Variants in BTBD1 observed in about 807,000 individuals in gnomAD.
The protein encoded by BTBD1 is BTB/POZ domain-containing protein 1.
In BTBD1, 34 loss-of-function variants were observed where a neutral mutation model predicts 48.0. The observed-to-expected ratio is 0.71, with a 90% CI of 0.54 to 0.94. The LOEUF (loss-of-function observed/expected upper bound fraction) is 0.94, where lower values mean the gene tolerates loss of function less well. BTBD1 is among the 40% of genes least tolerant of loss of function. The pLI is 0.00. For synonymous variants in BTBD1, 261 were observed against 242.1 expected, an observed-to-expected ratio of 1.08 and a Z score of -0.72; for missense variants, 543 against 625.6, an observed-to-expected ratio of 0.87 and a Z score of 1.41.
chr15:83,033,400 G>A (rs1432535245), intron 4 of BTBD1, among the ~76,000 whole-genome samples: 1 of 152,014 alleles, frequency 6.6e-6, no homozygotes, highest in Non-Finnish European at 1.5e-5. Context: ...AACTGAAAGG[G>A]CAAATATATA....
At position 83,026,333 on chromosome 15, in the gene BTBD1, G is replaced by T. The variant is rs12440338; in HGVS notation, c.1055+3803C>A. On this transcript the variant is annotated intron_variant, in intron 5 of 7. Coordinates refer to ENST00000261721, the MANE Select transcript of BTBD1 (RefSeq NM_025238.4). ...AAGGAGGCATACTCGATTTCACAAA[G>T]GTTTAGGGGGGCACTACTGGCAAGG... 3.7e-3 allele frequency among the ~76,000 whole-genome samples: 568 copies of T among 152,106 alleles called. 9 individuals are homozygous for T. The highest frequency in any genetic ancestry group is 0.034 in the Admixed American group (519 of 15,262).
chr15:83,065,784 G>A (rs1329580995), intron 1 of BTBD1, among the ~76,000 whole-genome samples: 2 of 151,350 alleles, frequency 1.3e-5, no homozygotes, highest in African/African-American at 4.9e-5. Flanking sequence ...GTGATTAAAA[G>A]CTAGTAATGC....
Position 83,044,760 on chromosome 15 carries a change from A to G in BTBD1, c.665-2835T>C. 2.8e-6 allele frequency: 4 copies of G among 1,440,784 alleles called. No individual in the cohort carries two copies. The South Asian group carries it at 3.4e-5, about 12-fold the overall frequency. The allele number at this position is 1,440,784 out of a possible 1,614,324, so 89.2% of individuals were successfully genotyped here. A position where few individuals can be genotyped will look rare whatever the true frequency, so the allele number is the denominator to read the frequency against. ...TGTCGCCTGTACTCGGATCTATGAA[A>G]AAGTAGAATAAAAATTCCATCATCA... On this transcript the variant is annotated intron_variant, in intron 3 of 7. Coordinates refer to ENST00000261721, the MANE Select transcript of BTBD1 (RefSeq NM_025238.4).
chr15:83,022,876 G>A (rs972163664), intron 5 of BTBD1, among the ~76,000 whole-genome samples: 7 of 151,716 alleles, frequency 4.6e-5, no homozygotes, highest in African/African-American at 9.7e-5. Flanking sequence ...CAGGAGAATC[G>A]CTTGAACCTG....
rs781760999 is a variant in BTBD1, at chr15:83,066,872, G to A, written c.280C>T (p.Arg94Cys). The part of the protein sequence containing the change: ...AGGPQRIPAH[R>C]FVLAAGSAVF... ...GCGCTGCCGGCCGCCAGCACGAAGCGGTGGGCGGGGATGCGCTGCGGGCCC... is the reference window on the plus strand; with the variant it reads ...GCGCTGCCGGCCGCCAGCACGAAGCAGTGGGCGGGGATGCGCTGCGGGCCC... The change falls in exon 1 of 8, where the codon CGC becomes TGC. Residue 94 changes from arginine (R) to cysteine (C), a missense_variant. Physicochemically the swap from Arg to Cys is radical, Grantham distance 180 (BLOSUM62 -3). Around this residue, in one of 3 missense-constraint regions of BTBD1, gnomAD observed 173 missense variants for 163.9 expected, o/e 1.06. Transcript: ENST00000261721. The A allele has an allele frequency of 8.8e-6, 13 of 1,482,132 alleles. No homozygotes were observed. Among genetic ancestry groups the A allele is most frequent in the Non-Finnish European group, 5.4e-6 (6 of 1,119,538 alleles). The allele number at this position is 1,482,132 out of a possible 1,614,324, so 91.8% of individuals were successfully genotyped here.
intron 5 of BTBD1, among the ~76,000 whole-genome samples, chr15:83,027,637 CTT>C (rs2032434554): frequency 6.6e-6 from 1 of 152,192 alleles, no homozygotes; most frequent in Admixed American, 6.5e-5. Flanking sequence ...CAACTAAAGT[CTT>C]TGCTGAAAAC....
chr15:83,050,983 G>A (rs2032970481), intron 2 of BTBD1, among the ~76,000 whole-genome samples: 1 of 150,428 alleles, frequency 6.6e-6, no homozygotes, highest in Non-Finnish European at 1.5e-5. Context: ...TAGAAGTCAA[G>A]CTTACAATAT....
At chr15:83,041,962 A>C (rs2032769856) in intron 3 of BTBD1, 37 bp from the exon 4 acceptor site, 2 of 1,583,392 alleles carry the variant, frequency 1.3e-6, no homozygotes, top group African/African-American at 2.7e-5. Context: ...AATTAGAAAT[A>C]TTTTAGCTCT....
At chr15:83,057,438 CA>C (rs762827213) in intron 1 of BTBD1, among the ~76,000 whole-genome samples, 4 of 151,864 alleles carry the variant, frequency 2.6e-5, no homozygotes, top group East Asian at 1.9e-4. Flanking sequence ...TAACGCCTGA[CA>C]AAAAAAATTG....
At chr15:83,029,669 C>T (rs1251376087) in intron 5 of BTBD1, 4 of 155,388 alleles carry the variant, frequency 2.6e-5, no homozygotes, top group Admixed American at 6.5e-5. Context: ...GTCAGTAGTT[C>T]GAGACCAGCC....
intron 1 of BTBD1, among the ~76,000 whole-genome samples, chr15:83,064,790 C>A (rs1418113476): frequency 6.6e-6 from 1 of 152,134 alleles, no homozygotes; most frequent in East Asian, 1.9e-4. Context: ...TCTAGAAAAT[C>A]CAAATGAACT....
At chr15:83,050,553 AG>A (rs1172805212) in intron 2 of BTBD1, among the ~76,000 whole-genome samples, 2 of 151,928 alleles carry the variant, frequency 1.3e-5, no homozygotes, top group African/African-American at 2.4e-5. Flanking sequence ...CCATTTTCAG[AG>A]GTTTGGAGAG....
chr15:83,025,099 T>C (rs1289241983), intron 5 of BTBD1, among the ~76,000 whole-genome samples: 1 of 152,056 alleles, frequency 6.6e-6, no homozygotes, highest in Non-Finnish European at 1.5e-5. Context: ...ACACCTGTAA[T>C]CCCAGTACTT....
chr15:83,057,220 C>G (rs2033102592), intron 1 of BTBD1, among the ~76,000 whole-genome samples: 1 of 152,154 alleles, frequency 6.6e-6, no homozygotes, highest in Admixed American at 6.5e-5. Flanking sequence ...TTTACCATAA[C>G]ACACCATTTC....
intron 5 of BTBD1, among the ~76,000 whole-genome samples, chr15:83,026,969 C>CGT (rs71156067): frequency 0.019 from 2,791 of 150,234 alleles, 53 homozygotes; most frequent in African/African-American, 0.047. Flanking sequence ...AGGGGAAATA[C>CGT]GTGTGTGTGT....
chr15:83,044,420 G>T, intron 3 of BTBD1: 1 of 1,578,384 alleles, frequency 6.3e-7, no homozygotes, highest in Admixed American at 1.7e-5. Context: ...GACAGCAAAC[G>T]CTTTGATGAA....
intron 2 of BTBD1, among the ~76,000 whole-genome samples, chr15:83,054,602 G>A (rs1019945363): frequency 1.4e-5 from 2 of 140,388 alleles, no homozygotes; most frequent in African/African-American, 2.7e-5. Flanking sequence ...TCGCTCTGTC[G>A]CCAGGCTGGA....
chr15:83,044,749 G>A (rs926433737), intron 3 of BTBD1: 20 of 1,452,336 alleles, frequency 1.4e-5, no homozygotes, highest in African/African-American at 4.2e-5. Flanking sequence ...GCCTGTACTC[G>A]GATCTATGAA....
intron 5 of BTBD1, among the ~76,000 whole-genome samples, chr15:83,021,768 A>ATAC (rs921054787): frequency 6.6e-6 from 1 of 150,972 alleles, no homozygotes; most frequent in African/African-American, 2.4e-5. Flanking sequence ...AATAATAATA[A>ATAC]TACATATGGA....
Sources: gnomAD v4.1 joint callset for allele counts (sites outside exome capture counted in the v4.1 genomes callset) on GRCh38, gnomAD v4.1.1 for gene constraint, gnomAD v4.1.1 regional missense constraint, MANE v1.5 for transcripts, NCBI Gene and HGNC (gene_info 2026-07-23, HGNC 2026-07-21) for gene names.